TRPM8: variants seen among roughly 807,000 people sequenced by gnomAD.
TRPM8 encodes the protein TRPM8 cationic channel.
In TRPM8, 110 loss-of-function variants were observed where a neutral mutation model predicts 133.7. The observed-to-expected ratio is 0.82, with a 90% CI of 0.70 to 0.96. The LOEUF (loss-of-function observed/expected upper bound fraction) is 0.96, where lower values mean the gene tolerates loss of function less well. Ranked by LOEUF, TRPM8 falls within the 40% of genes least tolerant of loss-of-function variation. The pLI is 0.00. For missense variants in TRPM8, 1,291 were observed against 1,379.5 expected (o/e 0.94, Z 1.02); for synonymous variants, 535 against 532.3 (o/e 1.01, Z -0.07).
At chr2:233,997,279 AAAAG>A (rs1305682628) in intron 22 of TRPM8, among the ~76,000 whole-genome samples, 3 of 152,336 alleles carry the variant, frequency 2.0e-5, no homozygotes, top group Non-Finnish European at 2.9e-5. Flanking sequence ...GTCTCAAAAA[AAAAG>A]AAAGAAAGAA....
chr2:233,972,739 G>A (rs927083944), intron 17 of TRPM8, among the ~76,000 whole-genome samples: 8 of 152,202 alleles, frequency 5.3e-5, no homozygotes, highest in Admixed American at 4.6e-4. Flanking sequence ...GCCCGGGCGG[G>A]CAGGGCCGGC....
At chr2:233,953,765 G>C (rs541199299) in intron 9 of TRPM8, 152 bp from the exon 10 acceptor site, 4 of 593,474 alleles carry the variant, frequency 6.7e-6, no homozygotes, top group Non-Finnish European at 1.2e-5. Flanking sequence ...TCTCACTGTA[G>C]TCAAGGACTC....
In TRPM8 at chr2:233,939,116, C is replaced by A; in HGVS notation, c.467C>A (p.Ala156Asp). ...ISVTGGAKNF[A>D]LKPRMRKIFS... ...GTGACCGGGGGCGCCAAGAACTTCG[C>A]CCTGAAGCCGCGCATGCGCAAGATC... Residue 156 changes from alanine to aspartate, a missense_variant, in exon 5 of 26, where the codon GCC becomes GAC. By Grantham distance (126) the Ala-to-Asp change is moderately radical (BLOSUM62 -2). This residue lies in a region of TRPM8 where 963 missense variants were observed against 968.9 expected (regional missense o/e 0.99). Transcript: ENST00000324695. 1 of 1,614,180 alleles carries A rather than the reference C, an allele frequency of 6.2e-7. No individual in the cohort carries two copies. The highest frequency in any genetic ancestry group is 8.5e-7 in the Non-Finnish European group (1 of 1,180,052).
intron 5 of TRPM8, among the ~76,000 whole-genome samples, chr2:233,940,698 G>A (rs1690884671): frequency 6.6e-6 from 1 of 151,918 alleles, no homozygotes; most frequent in South Asian, 2.1e-4. Context: ...TAGATATGAA[G>A]CCATACCCGC....
At chr2:233,999,833 C>A (rs1186390171) in intron 22 of TRPM8, among the ~76,000 whole-genome samples, 1 of 152,148 alleles carries the variant, frequency 6.6e-6, no homozygotes, top group Non-Finnish European at 1.5e-5. Context: ...CTGCATTCAC[C>A]CCTGGAAAAT....
chr2:233,928,261 G>T (rs1024391213), intron 2 of TRPM8, among the ~76,000 whole-genome samples: 4 of 151,988 alleles, frequency 2.6e-5, no homozygotes, highest in Non-Finnish European at 5.9e-5. Flanking sequence ...GACCCACTGC[G>T]CCTGGCCGAG....
rs1384211578 is a variant in TRPM8 at position 233,927,779 on chromosome 2, TTTCTTTCTTTCTTTTCTTTCC to T, written c.117+1129_117+1149del. ...CTTTCTTTCTTTCTTTCTTTCTTTC[TTTCTTTCTTTCTTTTCTTTCC>T]TTCCTTCCTTCCTTCCTTCCTTCCT... On this transcript the variant is annotated intron_variant, in intron 2 of 25. Coordinates refer to ENST00000324695, the MANE Select transcript of TRPM8 (RefSeq NM_024080.5). Among the ~76,000 whole-genome samples, 212 of 41,296 alleles carry T rather than the reference TTTCTTTCTTTCTTTTCTTTCC, an allele frequency of 5.1e-3. 26 individuals carry two copies. Among genetic ancestry groups the T allele is most frequent in the East Asian group, 0.045 (35 of 782 alleles). The allele number at this position is 41,296 out of a possible 152,430, so 27.1% of individuals were successfully genotyped here. A position where few individuals can be genotyped will look rare whatever the true frequency, so the allele number is the denominator to read the frequency against.
Position 233,937,481 on chromosome 2 carries a change from A to C in TRPM8, c.320A>C (p.Gln107Pro), listed in dbSNP as rs1475138030. The change falls in exon 4 of 26, where the codon CAG becomes CCG. Residue 107 changes from glutamine (Q) to proline (P), a missense_variant. Coordinates refer to ENST00000324695, the MANE Select transcript of TRPM8 (RefSeq NM_024080.5). ...CCTACCGACGCCTTTGGGGATATTC[A>C]GTTTGAGACACTGGGGAAGAAAGGG... ...EFPTDAFGDIQFETLGKKGKY... is the reference protein window; with the variant it reads ...EFPTDAFGDIPFETLGKKGKY... 2 of 1,613,698 alleles carry C rather than the reference A, an allele frequency of 1.2e-6. No individual in the cohort carries two copies. Among genetic ancestry groups the C allele is most frequent in the Admixed American group, 3.3e-5 (2 of 59,930 alleles).
At chr2:233,995,774 C>T (rs1287794352) in intron 21 of TRPM8, among the ~76,000 whole-genome samples, 1 of 151,910 alleles carries the variant, frequency 6.6e-6, no homozygotes, top group Non-Finnish European at 1.5e-5. Flanking sequence ...GTGCTGGTGG[C>T]CAACAGTCAT....
intron 3 of TRPM8, among the ~76,000 whole-genome samples, chr2:233,935,676 C>T (rs1431765127): frequency 6.6e-6 from 1 of 152,192 alleles, no homozygotes; most frequent in Non-Finnish European, 1.5e-5. Context: ...CTCTGTTCTC[C>T]TTCTCCACTG....
At chr2:233,983,639 T>G (rs1692070921) in intron 20 of TRPM8, among the ~76,000 whole-genome samples, 1 of 152,214 alleles carries the variant, frequency 6.6e-6, no homozygotes, top group Admixed American at 6.5e-5. Flanking sequence ...CTGGCGTGCG[T>G]TAGCCCACTG....
chr2:233,964,815 T>A (rs1160714464), intron 14 of TRPM8, 58 bp downstream of exon 14: 12 of 1,523,026 alleles, frequency 7.9e-6, no homozygotes, highest in Non-Finnish European at 1.1e-5. Flanking sequence ...GGCACAGACA[T>A]TGCCAGCGGC....
intron 25 of TRPM8, 146 bp from the exon 26 acceptor site, chr2:234,017,153 T>TAAA: frequency 8.3e-5 from 25 of 300,116 alleles, no homozygotes; most frequent in Middle Eastern, 1.2e-3. Context: ...GCTGCTTCTA[T>TAAA]AAAAAAAAAA....
chr2:234,009,055 G>A (rs1166051175), intron 24 of TRPM8, among the ~76,000 whole-genome samples: 12 of 152,156 alleles, frequency 7.9e-5, no homozygotes, highest in Non-Finnish European at 1.8e-4. Flanking sequence ...GGGAGTCTGG[G>A]TTATTCTGCC....
rs537162535 is a variant in TRPM8 at position 233,955,356 on chromosome 2, G to A, written c.1362+106G>A. On this transcript the variant is annotated intron_variant, in intron 11 of 25. Coordinates refer to ENST00000324695, the MANE Select transcript of TRPM8 (RefSeq NM_024080.5). ...GGTCTTCAATACCAAATCTCTTAAA[G>A]GATTGTTCTGTTCCAGAATATCAGG... 2.2e-4 allele frequency: 175 copies of A among 786,460 alleles called. No individual in the cohort carries two copies. The South Asian group carries it at 2.8e-3, about 13-fold the overall frequency. 48.7% of individuals were successfully genotyped at this position (786,460 alleles called of 1,614,324 possible). A position where few individuals can be genotyped will look rare whatever the true frequency, so the allele number is the denominator to read the frequency against.
intron 21 of TRPM8, among the ~76,000 whole-genome samples, chr2:233,991,234 A>G (rs958505613): frequency 8.5e-5 from 13 of 152,214 alleles, no homozygotes; most frequent in African/African-American, 3.1e-4. Flanking sequence ...GAGAAATGTC[A>G]TGGGTCTTCG....
chr2:233,992,031 G>A lies in TRPM8; in HGVS notation c.2940-4295G>A, dbSNP rs149002735. On this transcript the variant is annotated intron_variant, in intron 21 of 25. Transcript: ENST00000324695. ...ATATAATTTCCCAGTAAAGTTTTAT[G>A]GTCTTTTTCATATGGATCTGGCAGA... Among the ~76,000 whole-genome samples the A allele has an allele frequency of 6.4e-3, 976 of 152,142 alleles. 8 individuals carry two copies. The highest frequency in any genetic ancestry group is 0.022 in the African/African-American group (916 of 41,526).
chr2:233,932,877 T>A (rs28901615), intron 3 of TRPM8, among the ~76,000 whole-genome samples: 6,127 of 149,898 alleles, frequency 0.041, 368 homozygotes, highest in East Asian at 0.26. Context: ...ATGATTAATT[T>A]TATTGATACC....
At chr2:233,922,031 C>T (rs1691422263) in intron 1 of TRPM8, among the ~76,000 whole-genome samples, 2 of 152,184 alleles carry the variant, frequency 1.3e-5, no homozygotes, top group Admixed American at 1.3e-4. Flanking sequence ...TTGACTACTA[C>T]TGTTTATACT....
Sources: allele counts gnomAD v4.1 joint callset (sites outside exome capture counted in the v4.1 genomes callset), GRCh38; gene constraint gnomAD v4.1.1; regional missense constraint gnomAD v4.1.1; transcripts MANE v1.5; gene names NCBI Gene and HGNC (gene_info 2026-07-23, HGNC 2026-07-21).